Variants in SLC39A9 observed in about 807,000 individuals in gnomAD.
SLC39A9 encodes the protein solute carrier family 39 member 9, also known as zinc transporter ZIP9.
Under a neutral mutation model 28.4 loss-of-function variants are expected in SLC39A9, and 14 were observed. That is an observed-to-expected ratio of 0.49 (90% CI 0.33 to 0.77). The LOEUF is 0.77. Ranked by LOEUF, SLC39A9 falls within the 30% of genes least tolerant of loss-of-function variation. The probability of loss-of-function intolerance (pLI) is 0.02; values close to 1 mark genes in which losing one functional copy is unlikely to be tolerated. For missense variants in SLC39A9, 283 were observed against 381.1 expected, an observed-to-expected ratio of 0.74 and a Z score of 2.14; for synonymous variants, 119 against 149.6, an observed-to-expected ratio of 0.80 and a Z score of 1.49.
At chr14:69,429,709 C>T (rs557719929) in intron 2 of SLC39A9, among the ~76,000 whole-genome samples, 2 of 152,122 alleles carry the variant, frequency 1.3e-5, no homozygotes, top group African/African-American at 2.4e-5. Flanking sequence ...CAGAGCAAGA[C>T]AAAAGAATAC....
chr14:69,434,178 GGT>G (rs1260915130), intron 2 of SLC39A9, among the ~76,000 whole-genome samples: 1 of 151,012 alleles, frequency 6.6e-6, no homozygotes, highest in African/African-American at 2.4e-5. Context: ...CCATCTTCCG[GGT>G]TCAAGCAATT....
rs184931419 is a variant in SLC39A9, at chr14:69,440,822, C to T, written c.206-1247C>T. Among the ~76,000 whole-genome samples the T allele has an allele frequency of 1.9e-3, 289 of 152,136 alleles. 1 individual carries two copies. The highest frequency in any genetic ancestry group is 6.6e-3 in the African/African-American group (274 of 41,506). On this transcript the variant is annotated intron_variant, in intron 2 of 6. Coordinates refer to ENST00000336643, the MANE Select transcript of SLC39A9 (RefSeq NM_018375.5). ...CTGAGTAGCTGGGATTACAGGCACG[C>T]GCCACCGTGCCCAGCTAGTTTTTGT...
chr14:69,444,819 T>G (rs369309065), intron 3 of SLC39A9, among the ~76,000 whole-genome samples: 1 of 152,074 alleles, frequency 6.6e-6, no homozygotes, highest in African/African-American at 2.4e-5. Context: ...GAATAAAGAT[T>G]CAGGCAGAGC....
chr14:69,430,628 C>CTTTTTTTTTTTTTTTTTTTTTTTTTT (rs71446389), intron 2 of SLC39A9, among the ~76,000 whole-genome samples: 1 of 137,748 alleles, frequency 7.3e-6, no homozygotes. Flanking sequence ...ATTTTTCTTT[C>CTTTTTTTTTTTTTTTTTTTTTTTTTT]TTTTTTTTTT....
intron 3 of SLC39A9, among the ~76,000 whole-genome samples, chr14:69,452,890 G>C (rs1216251385): frequency 6.6e-6 from 1 of 152,186 alleles, no homozygotes; most frequent in Non-Finnish European, 1.5e-5. Flanking sequence ...GAATAGTAGA[G>C]GAAGAGGATT....
intron 6 of SLC39A9, 132 bp downstream of exon 6, chr14:69,455,998 AG>A (rs1293824288): frequency 1.9e-6 from 2 of 1,048,844 alleles, no homozygotes; most frequent in Non-Finnish European, 1.3e-6. Flanking sequence ...AAAACTATAC[AG>A]GGTAAATATC....
At chr14:69,425,058 A>G (rs1232654600) in intron 2 of SLC39A9, among the ~76,000 whole-genome samples, 1 of 152,170 alleles carries the variant, frequency 6.6e-6, no homozygotes, top group African/African-American at 2.4e-5. Context: ...TGGCAGATAT[A>G]AATGAGGATT....
At chr14:69,435,240 A>C (rs1213067131) in intron 2 of SLC39A9, among the ~76,000 whole-genome samples, 1 of 152,178 alleles carries the variant, frequency 6.6e-6, no homozygotes, top group Non-Finnish European at 1.5e-5. Flanking sequence ...TTAGGTACCT[A>C]CATGTTTAGG....
chr14:69,408,331 T>C (rs1004414983), intron 1 of SLC39A9, among the ~76,000 whole-genome samples: 3 of 152,162 alleles, frequency 2.0e-5, no homozygotes, highest in African/African-American at 7.2e-5. Flanking sequence ...TAGGTATTCT[T>C]TATGTTAAAC....
rs1396097774 is a variant in SLC39A9 at position 69,461,058 on chromosome 14, C to T, written c.*2465C>T. 1 of 985,670 alleles carries T rather than the reference C, an allele frequency of 1.0e-6. No individual in the cohort carries two copies. The allele number at this position is 985,670 out of a possible 1,614,324, so 61.1% of individuals were successfully genotyped here. ...GTTTTCCTCTTGTTTAAAACTGCCT[C>T]TTTAGATGTGGATGCCTTAATGCTG... On this transcript the variant is annotated 3_prime_UTR_variant, in exon 7 of 7. Coordinates refer to ENST00000336643, the MANE Select transcript of SLC39A9 (RefSeq NM_018375.5).
At position 69,459,179 on chromosome 14, in the gene SLC39A9, A is replaced by G. The variant is rs1886004264; in HGVS notation, c.*586A>G. 1.0e-6 allele frequency: 1 copy of G among 985,576 alleles called. No homozygotes were observed. 61.1% of individuals were successfully genotyped at this position (985,576 alleles called of 1,614,324 possible). On this transcript the variant is annotated 3_prime_UTR_variant, in exon 7 of 7. Transcript: ENST00000336643. ...AAGACACATTGAAAGCTCTCTTTAT[A>G]CTCAAAAGAGATATCCATTGAAAAG...
rs151226331 is a variant in SLC39A9, at chr14:69,421,345, C to T, written c.97-2749C>T. On this transcript the variant is annotated intron_variant, in intron 1 of 6. Coordinates refer to ENST00000336643, the MANE Select transcript of SLC39A9 (RefSeq NM_018375.5). ...CCAGCAGAGGCTGCAGAACAGCAAACATTGCTGCCTGATCCTTCCTCTGGA... is the reference window on the plus strand; with the variant it reads ...CCAGCAGAGGCTGCAGAACAGCAAATATTGCTGCCTGATCCTTCCTCTGGA... 2.9e-3 allele frequency among the ~76,000 whole-genome samples: 446 copies of T among 152,162 alleles called. 3 individuals carry two copies. The highest frequency in any genetic ancestry group is 0.01 in the African/African-American group (434 of 41,564).
chr14:69,447,435 T>C (rs566813799), intron 3 of SLC39A9, among the ~76,000 whole-genome samples: 1 of 152,314 alleles, frequency 6.6e-6, no homozygotes, highest in Non-Finnish European at 1.5e-5. Flanking sequence ...AAACTCAGTC[T>C]TTCTGGACTG....
chr14:69,434,646 G>A (rs1884659953), intron 2 of SLC39A9, among the ~76,000 whole-genome samples: 1 of 152,058 alleles, frequency 6.6e-6, no homozygotes, highest in Admixed American at 6.5e-5. Context: ...TGCACTCTAG[G>A]CTGGGTGAAA....
intron 6 of SLC39A9, among the ~76,000 whole-genome samples, chr14:69,456,613 T>C (rs966269751): frequency 6.6e-6 from 1 of 152,198 alleles, no homozygotes; most frequent in African/African-American, 2.4e-5. Context: ...TTCCCATGCC[T>C]TATAATCCTG....
Position 69,459,647 on chromosome 14 carries a change from T to C in SLC39A9, c.*1054T>C, listed in dbSNP as rs1316311647. ...TCAGCTTTGGCGACACTGTGTCTTC[T>C]CACATAACCACCTGTAGCAAGATGG... On this transcript the variant is annotated 3_prime_UTR_variant, in exon 7 of 7. Transcript: ENST00000336643. 1 of 984,876 alleles carries C rather than the reference T, an allele frequency of 1.0e-6. No homozygotes were observed. The highest frequency in any genetic ancestry group is 1.2e-6 in the Non-Finnish European group (1 of 829,720). The allele number at this position is 984,876 out of a possible 1,614,324, so 61.0% of individuals were successfully genotyped here. A position where few individuals can be genotyped will look rare whatever the true frequency, so the allele number is the denominator to read the frequency against.
intron 2 of SLC39A9, among the ~76,000 whole-genome samples, chr14:69,440,606 A>G (rs1227060651): frequency 2.6e-5 from 4 of 152,144 alleles, no homozygotes; most frequent in South Asian, 4.1e-4. Context: ...AGAGAGAGAG[A>G]CAGAGAAAGA....
intron 1 of SLC39A9, among the ~76,000 whole-genome samples, chr14:69,411,340 A>T (rs188748552): frequency 1.1e-4 from 17 of 152,348 alleles, no homozygotes; most frequent in Non-Finnish European, 2.4e-4. Flanking sequence ...AGAAATATTA[A>T]ACTGACTTCA....
intron 5 of SLC39A9, 118 bp downstream of exon 5, chr14:69,455,015 A>C (rs1594952584): frequency 2.8e-6 from 2 of 705,726 alleles, no homozygotes. Context: ...ATTGCTATTC[A>C]TTTTGGAAAA....
Sources: allele counts gnomAD v4.1 joint callset (sites outside exome capture counted in the v4.1 genomes callset), GRCh38; gene constraint gnomAD v4.1.1; transcripts MANE v1.5; gene names NCBI Gene and HGNC (gene_info 2026-07-23, HGNC 2026-07-21).